Variants in SNX6 observed in about 807,000 individuals in gnomAD.
SNX6 encodes sorting nexin 6.
SNX6 carries 34 observed loss-of-function variants against 63.0 expected under a neutral mutation model. That is an observed-to-expected ratio of 0.54 (90% confidence interval 0.41 to 0.72). The LOEUF is 0.72. SNX6 is among the 30% of genes least tolerant of loss of function. The probability of loss-of-function intolerance (pLI) is 0.00; values close to 1 mark genes in which losing one functional copy is unlikely to be tolerated. For missense variants in SNX6, 398 were observed against 471.4 expected (o/e 0.84, Z 1.44); for synonymous variants, 170 against 164.2 (o/e 1.04, Z -0.27).
rs558445978 is a variant in SNX6, at chr14:34,567,359, T to C, written c.1167+327A>G. On this transcript the variant is annotated intron_variant, in intron 13 of 13. Coordinates refer to ENST00000362031, the MANE Select transcript of SNX6 (RefSeq NM_152233.4). ...AAAATTACCCAGGTGTGGTGGCACA[T>C]ACCTGTAATCCCAGCTACTAAGGAG... Among the ~76,000 whole-genome samples, 170 of 151,618 alleles carry C rather than the reference T, an allele frequency of 1.1e-3. 1 individual carries two copies. Among genetic ancestry groups the C allele is most frequent in the African/African-American group, 3.9e-3 (160 of 41,304 alleles).
At chr14:34,619,885 A>T (rs893283012) in intron 2 of SNX6, among the ~76,000 whole-genome samples, 5 of 151,512 alleles carry the variant, frequency 3.3e-5, no homozygotes, top group Non-Finnish European at 5.9e-5. Context: ...TTATTTATTT[A>T]TTTTTTTATA....
At chr14:34,599,343 C>T (rs1420354913) in intron 6 of SNX6, among the ~76,000 whole-genome samples, 3 of 152,222 alleles carry the variant, frequency 2.0e-5, no homozygotes, top group East Asian at 1.9e-4. Flanking sequence ...CGGTGGCTCA[C>T]GCCTGTAATC....
chr14:34,624,157 A>G (rs1261059907), intron 2 of SNX6, among the ~76,000 whole-genome samples: 1 of 152,032 alleles, frequency 6.6e-6, no homozygotes, highest in African/African-American at 2.4e-5. Flanking sequence ...CTGGAGTGCA[A>G]TGGCACAGTC....
intron 8 of SNX6, among the ~76,000 whole-genome samples, chr14:34,587,317 G>A (rs1882206746): frequency 6.6e-6 from 1 of 151,842 alleles, no homozygotes; most frequent in Admixed American, 6.6e-5. Flanking sequence ...CAGATCATGA[G>A]GTTAGGAGAT....
intron 11 of SNX6, among the ~76,000 whole-genome samples, chr14:34,575,081 G>A (rs890727241): frequency 4.7e-5 from 7 of 150,406 alleles, no homozygotes; most frequent in Non-Finnish European, 3.0e-5. Flanking sequence ...TAGTAGAGAT[G>A]GGGTTTCACC....
In SNX6 at chr14:34,567,220, C is replaced by T. The variant is rs1484953584; in HGVS notation, c.1167+466G>A. 2.6e-5 allele frequency among the ~76,000 whole-genome samples: 4 copies of T among 151,836 alleles called. No homozygotes were observed. The East Asian group carries it at 7.8e-4, about 29-fold the overall frequency. ...GCCCCAGACTAGCCGGGTACGGTGG[C>T]TCGTGTCTGTAATCTCAGCACTTTG... On this transcript the variant is annotated intron_variant, in intron 13 of 13. Coordinates refer to ENST00000362031, the MANE Select transcript of SNX6 (RefSeq NM_152233.4).
intron 13 of SNX6, among the ~76,000 whole-genome samples, chr14:34,565,559 C>G: frequency 6.6e-6 from 1 of 152,178 alleles, no homozygotes; most frequent in East Asian, 1.9e-4. Flanking sequence ...CTCTGTCGCC[C>G]AAGCTGGAGT....
chr14:34,577,096 C>A (rs1881742262), intron 10 of SNX6, among the ~76,000 whole-genome samples: 1 of 151,852 alleles, frequency 6.6e-6, no homozygotes, highest in Non-Finnish European at 1.5e-5. Flanking sequence ...GTATTTCTTT[C>A]TTTTCCAGAC....
chr14:34,576,445 T>C (rs1404148917), intron 10 of SNX6, among the ~76,000 whole-genome samples: 2 of 12,776 alleles, frequency 1.6e-4, no homozygotes, highest in East Asian at 5.6e-3. Context: ...CATATATATA[T>C]ATATATATTT....
intron 11 of SNX6, among the ~76,000 whole-genome samples, chr14:34,575,426 C>T (rs1881653056): frequency 6.6e-6 from 1 of 152,130 alleles, no homozygotes; most frequent in Non-Finnish European, 1.5e-5. Flanking sequence ...TCTTGAACTC[C>T]TGACGTCAGG....
chr14:34,589,257 C>G (rs1327519290), intron 8 of SNX6, among the ~76,000 whole-genome samples: 1 of 151,228 alleles, frequency 6.6e-6, no homozygotes, highest in African/African-American at 2.4e-5. Context: ...GAGTTTGAGA[C>G]CAGCCTGGCC....
At chr14:34,611,651 G>A (rs368951987) in intron 2 of SNX6, among the ~76,000 whole-genome samples, 106 of 147,688 alleles carry the variant, frequency 7.2e-4, no homozygotes, top group African/African-American at 2.0e-3. Context: ...GCATAGTGGC[G>A]CACACCTGTA....
intron 8 of SNX6, among the ~76,000 whole-genome samples, chr14:34,589,784 C>T (rs1434905937): frequency 1.3e-5 from 2 of 151,810 alleles, no homozygotes; most frequent in Admixed American, 1.3e-4. Flanking sequence ...AAGATTGTGC[C>T]ACTGCCCTCC....
intron 2 of SNX6, among the ~76,000 whole-genome samples, chr14:34,623,107 T>C (rs1310931070): frequency 1.3e-5 from 2 of 152,210 alleles, no homozygotes; most frequent in South Asian, 2.1e-4. Flanking sequence ...TTTGTCTTAT[T>C]GATCTTTTTA....
At chr14:34,618,047 T>C (rs1004379443) in intron 2 of SNX6, among the ~76,000 whole-genome samples, 1 of 152,068 alleles carries the variant, frequency 6.6e-6, no homozygotes, top group African/African-American at 2.4e-5. Flanking sequence ...AAAGCAAATG[T>C]AGAGAGATGG....
At chr14:34,575,006 C>T (rs1274534251) in intron 11 of SNX6, among the ~76,000 whole-genome samples, 2 of 151,716 alleles carry the variant, frequency 1.3e-5, no homozygotes, top group East Asian at 1.9e-4. Flanking sequence ...ATTCTCCTGC[C>T]TCAGCCTCCC....
intron 2 of SNX6, among the ~76,000 whole-genome samples, chr14:34,611,847 C>T (rs1264093451): frequency 2.0e-5 from 3 of 151,044 alleles, no homozygotes; most frequent in African/African-American, 4.9e-5. Context: ...GGCACAATCT[C>T]GGCTCACTGC....
chr14:34,629,965 G>T lies in SNX6; in HGVS notation c.7-11C>A. 2.0e-6 allele frequency: 3 copies of T among 1,534,248 alleles called. No homozygotes were observed. Among genetic ancestry groups the T allele is most frequent in the Non-Finnish European group, 2.6e-6 (3 of 1,142,538 alleles). Reference sequence around the variant, plus strand: ...GTCGTCCAGGCCTTCCTGTGGGGTCGGCGGGCACGGCGCGCCGGGGAAAAG... The same window carrying T: ...GTCGTCCAGGCCTTCCTGTGGGGTCTGCGGGCACGGCGCGCCGGGGAAAAG... On this transcript the variant is annotated splice_polypyrimidine_tract_variant and intron_variant, in intron 1 of 13. Transcript: ENST00000362031.
At chr14:34,606,200 T>A (rs1474852415) in intron 4 of SNX6, among the ~76,000 whole-genome samples, 3 of 151,254 alleles carry the variant, frequency 2.0e-5, no homozygotes, top group Non-Finnish European at 4.4e-5. Context: ...TCTAATCTTT[T>A]TTTTTTTTTT....
Sources: allele counts gnomAD v4.1 joint callset (sites outside exome capture counted in the v4.1 genomes callset), GRCh38; gene constraint gnomAD v4.1.1; transcripts MANE v1.5; gene names NCBI Gene and HGNC (gene_info 2026-07-23, HGNC 2026-07-21).